PEAK1: variants seen among roughly 807,000 people sequenced by gnomAD.
PEAK1 encodes the protein pseudopodium enriched atypical kinase 1.
A neutral mutation model predicts 124.7 loss-of-function variants in PEAK1; 54 were observed. The ratio of observed to expected loss-of-function variants is 0.43; its 90% CI spans 0.35 to 0.54. The LOEUF (loss-of-function observed/expected upper bound fraction) is 0.54. Among genes scored for constraint, PEAK1 ranks in the 20% least tolerant of loss-of-function variants. The pLI is 0.01. For synonymous variants in PEAK1, 719 were observed against 760.0 expected (o/e 0.95, Z 0.89); for missense variants, 2,046 against 2,134.5 (o/e 0.96, Z 0.82).
chr15:77,239,725 T>C (rs2060273633), intron 6 of PEAK1: 2 of 584,984 alleles, frequency 3.4e-6, no homozygotes, highest in Non-Finnish European at 4.3e-6. Flanking sequence ...ATTACCAGAT[T>C]TACAAACTGA....
At position 77,258,657 on chromosome 15, in the gene PEAK1, C is replaced by T. The variant is rs533887143; in HGVS notation, c.-274-6131G>A. Among the ~76,000 whole-genome samples the T allele has an allele frequency of 6.6e-5, 10 of 152,278 alleles. No homozygotes were observed. The East Asian group carries it at 1.9e-3, about 29-fold the overall frequency. ...ACAATGGGGTTTCTAGATATACAAT[C>T]ATGTCATCTGCAAACAGGGACAATT... On this transcript the variant is annotated intron_variant, in intron 5 of 9. Coordinates refer to ENST00000682557, the MANE Select transcript of PEAK1 (RefSeq NM_001385026.1).
intron 5 of PEAK1, among the ~76,000 whole-genome samples, chr15:77,269,015 C>T (rs866582528): frequency 6.6e-6 from 1 of 151,790 alleles, no homozygotes; most frequent in African/African-American, 2.4e-5. Flanking sequence ...CTAAAAGGAG[C>T]TCTAAATCTT....
chr15:77,245,513 A>G (rs546981183), intron 6 of PEAK1, among the ~76,000 whole-genome samples: 2 of 152,210 alleles, frequency 1.3e-5, no homozygotes, highest in East Asian at 3.9e-4. Flanking sequence ...ATCCTGGCCA[A>G]CATGATGAAA....
At chr15:77,355,771 G>C (rs2067479511) in intron 2 of PEAK1, 2 of 985,304 alleles carry the variant, frequency 2.0e-6, no homozygotes, top group African/African-American at 3.5e-5. Context: ...TAAGAAGGCT[G>C]AGAAAAAGTT....
At chr15:77,376,578 A>G (rs1228112932) in intron 1 of PEAK1, among the ~76,000 whole-genome samples, 1 of 152,158 alleles carries the variant, frequency 6.6e-6, no homozygotes, top group African/African-American at 2.4e-5. Flanking sequence ...AACATTTTCA[A>G]TCCCTCTACA....
At chr15:77,235,224 A>G (rs2864082) in intron 6 of PEAK1, among the ~76,000 whole-genome samples, 41,182 of 151,774 alleles carry the variant, frequency 0.27, 6,627 homozygotes, top group Middle Eastern at 0.38. Flanking sequence ...ACTGCTGTAA[A>G]GATACCTGAA....
At chr15:77,344,195 C>T (rs190254374) in intron 2 of PEAK1, among the ~76,000 whole-genome samples, 20 of 152,060 alleles carry the variant, frequency 1.3e-4, no homozygotes, top group African/African-American at 3.9e-4. Flanking sequence ...CCCGGGTTCA[C>T]GCCATTCTCC....
chr15:77,234,000 T>C (rs796841655), intron 6 of PEAK1, among the ~76,000 whole-genome samples: 3 of 152,208 alleles, frequency 2.0e-5, no homozygotes, highest in African/African-American at 7.2e-5. Flanking sequence ...CAAGTAGCCA[T>C]GACTACAGGT....
chr15:77,170,591 T>C (rs1016001920), intron 7 of PEAK1, among the ~76,000 whole-genome samples: 1 of 152,170 alleles, frequency 6.6e-6, no homozygotes, highest in Non-Finnish European at 1.5e-5. Context: ...GGGCAAGATA[T>C]TAAGCAAGGA....
chr15:77,273,789 A>T (rs968316648), intron 5 of PEAK1, among the ~76,000 whole-genome samples: 1 of 152,180 alleles, frequency 6.6e-6, no homozygotes, highest in Admixed American at 6.5e-5. Flanking sequence ...CCTAAAATTC[A>T]CATGGAACCA....
chr15:77,146,423 G>A (rs2054179503), intron 8 of PEAK1, among the ~76,000 whole-genome samples: 2 of 152,190 alleles, frequency 1.3e-5, no homozygotes, highest in African/African-American at 4.8e-5. Context: ...AATGTCAGTC[G>A]TATAGCAGCT....
chr15:77,337,902 T>C, intron 2 of PEAK1: 1 of 985,044 alleles, frequency 1.0e-6, no homozygotes, highest in Non-Finnish European at 1.2e-6. Context: ...CTCATTAAAT[T>C]ACAGCTAAAT....
chr15:77,347,765 G>GA (rs1567290427), intron 2 of PEAK1: 4 of 981,532 alleles, frequency 4.1e-6, no homozygotes, highest in South Asian at 9.4e-5. Context: ...TTTTTTAAAA[G>GA]AAAAAAAATT....
At chr15:77,165,980 C>A (rs566216911) in intron 7 of PEAK1, among the ~76,000 whole-genome samples, 5 of 152,050 alleles carry the variant, frequency 3.3e-5, no homozygotes, top group African/African-American at 7.2e-5. Flanking sequence ...CTGCAGAAAC[C>A]CAGCAATAAA....
chr15:77,271,334 G>A (rs1264047397), intron 5 of PEAK1, among the ~76,000 whole-genome samples: 1 of 152,146 alleles, frequency 6.6e-6, no homozygotes, highest in Non-Finnish European at 1.5e-5. Flanking sequence ...CTGTTGGTGG[G>A]ACTGTAAACT....
intron 8 of PEAK1, among the ~76,000 whole-genome samples, chr15:77,138,165 C>T (rs2053488980): frequency 6.6e-6 from 1 of 152,122 alleles, no homozygotes; most frequent in Non-Finnish European, 1.5e-5. Flanking sequence ...TTGGATATGA[C>T]TTTATCAGCA....
At chr15:77,419,424 AC>A (rs1485629285) in intron 1 of PEAK1, 9 of 984,388 alleles carry the variant, frequency 9.1e-6, no homozygotes, top group East Asian at 1.1e-4. Flanking sequence ...ACCACTCACA[AC>A]CCCCAAACGA....
At chr15:77,124,630 G>C (rs2052216231) in intron 9 of PEAK1, among the ~76,000 whole-genome samples, 1 of 152,104 alleles carries the variant, frequency 6.6e-6, no homozygotes, top group African/African-American at 2.4e-5. Flanking sequence ...CTGGACTACT[G>C]CAATAGCATA....
At chr15:77,393,538 C>A (rs1400553618) in intron 1 of PEAK1, among the ~76,000 whole-genome samples, 2 of 152,168 alleles carry the variant, frequency 1.3e-5, no homozygotes, top group Non-Finnish European at 2.9e-5. Context: ...AGAAGAGAAC[C>A]CACTGCCTTG....
Sources: gnomAD v4.1 joint callset for allele counts (sites outside exome capture counted in the v4.1 genomes callset) on GRCh38, gnomAD v4.1.1 for gene constraint, MANE v1.5 for transcripts, NCBI Gene and HGNC (gene_info 2026-07-23, HGNC 2026-07-21) for gene names.